Variants in SAMMSON observed in about 807,000 individuals in gnomAD.
SAMMSON encodes the protein long intergenic non-protein coding RNA 1212.
At chr3:70,066,481 G>A (rs1161208889) in intron 3 of SAMMSON, among the ~76,000 whole-genome samples, 1 of 152,046 alleles carries the variant, frequency 6.6e-6, no homozygotes, top group African/African-American at 2.4e-5. Flanking sequence ...CACTTGTGTA[G>A]TGTAAAGGGA....
intron 2 of SAMMSON, among the ~76,000 whole-genome samples, chr3:70,396,213 A>C (rs1701092206): frequency 6.6e-6 from 1 of 152,318 alleles, no homozygotes; most frequent in African/African-American, 2.4e-5. Flanking sequence ...GCTGAATTAT[A>C]GTTTGTTAGA....
At chr3:70,291,101 T>A (rs1327781751) in intron 6 of SAMMSON, 4 of 152,242 alleles carry the variant, frequency 2.6e-5, no homozygotes, top group African/African-American at 9.6e-5. Context: ...CTTATTTTTT[T>A]ATGAAGGAAA....
chr3:70,107,960 T>C (rs2067373903), intron 4 of SAMMSON, among the ~76,000 whole-genome samples: 2 of 152,164 alleles, frequency 1.3e-5, no homozygotes, highest in African/African-American at 4.8e-5. Flanking sequence ...TTTCACTCTA[T>C]GGTATATAAT....
At chr3:70,214,852 G>A (rs550477247) in intron 4 of SAMMSON, among the ~76,000 whole-genome samples, 3 of 152,048 alleles carry the variant, frequency 2.0e-5, no homozygotes, top group South Asian at 4.2e-4. Flanking sequence ...TTTGTAAAAA[G>A]TGTCTCAAGA....
intron 4 of SAMMSON, among the ~76,000 whole-genome samples, chr3:70,212,635 A>T (rs189832301): frequency 6.6e-6 from 1 of 152,112 alleles, no homozygotes; most frequent in African/African-American, 2.4e-5. Context: ...ATACAGTGAC[A>T]ACTCTCTTCA....
intron 4 of SAMMSON, among the ~76,000 whole-genome samples, chr3:70,101,760 G>A (rs2067347385): frequency 6.6e-6 from 1 of 152,072 alleles, no homozygotes; most frequent in Admixed American, 6.6e-5. Context: ...TTCCTCATTT[G>A]ACTCGTAAGG....
At chr3:70,319,449 C>A (rs1179217695) in intron 7 of SAMMSON, among the ~76,000 whole-genome samples, 1 of 151,998 alleles carries the variant, frequency 6.6e-6, no homozygotes, top group East Asian at 1.9e-4. Flanking sequence ...CCAGTGTATT[C>A]TATCATGACC....
intron 3 of SAMMSON, among the ~76,000 whole-genome samples, chr3:70,066,117 T>A (rs1323319893): frequency 6.6e-6 from 1 of 152,108 alleles, no homozygotes; most frequent in Non-Finnish European, 1.5e-5. Flanking sequence ...AAATGGTGCC[T>A]CGGGTTGCCA....
At chr3:70,278,174 C>T (rs1702046311) in intron 6 of SAMMSON, among the ~76,000 whole-genome samples, 1 of 152,104 alleles carries the variant, frequency 6.6e-6, no homozygotes, top group Non-Finnish European at 1.5e-5. Flanking sequence ...TATAAATGGG[C>T]TCATAGTGTA....
intron 7 of SAMMSON, among the ~76,000 whole-genome samples, chr3:70,317,335 T>C (rs1575624480): frequency 6.6e-6 from 1 of 152,072 alleles, no homozygotes; most frequent in Non-Finnish European, 1.5e-5. Context: ...CTGGCATCAT[T>C]TTTTTCCAAC....
intron 3 of SAMMSON, among the ~76,000 whole-genome samples, chr3:70,024,305 T>C (rs925736435): frequency 6.6e-6 from 1 of 152,230 alleles, no homozygotes; most frequent in Non-Finnish European, 1.5e-5. Context: ...TGATTTATCT[T>C]CTCTGTTTTT....
chr3:70,030,621 C>A (rs375225037), intron 3 of SAMMSON: 30 of 152,180 alleles, frequency 2.0e-4, no homozygotes, highest in East Asian at 1.4e-3. Flanking sequence ...TAAATGAACT[C>A]CATAGGTCTG....
intron 4 of SAMMSON, among the ~76,000 whole-genome samples, chr3:70,114,418 A>G (rs534698841): frequency 2.0e-5 from 3 of 152,346 alleles, no homozygotes; most frequent in South Asian, 2.1e-4. Flanking sequence ...TAAAATATAA[A>G]TCAACATTGA....
At chr3:70,001,453 GT>G (rs200222434) in intron 1 of SAMMSON, among the ~76,000 whole-genome samples, 464 of 128,700 alleles carry the variant, frequency 3.6e-3, no homozygotes, top group Admixed American at 4.6e-3. Context: ...TGTTTCTAGT[GT>G]TTTTTTTTTT....
At chr3:70,332,638 C>G (rs760720020) in intron 7 of SAMMSON, 9 of 152,362 alleles carry the variant, frequency 5.9e-5, no homozygotes, top group Non-Finnish European at 1.0e-4. Flanking sequence ...CTCTGACCCC[C>G]AGGCTGGAGT....
intron 3 of SAMMSON, among the ~76,000 whole-genome samples, chr3:70,022,865 A>G (rs1481939242): frequency 6.6e-6 from 1 of 152,216 alleles, no homozygotes; most frequent in African/African-American, 2.4e-5. Context: ...TGCCATGTAA[A>G]AATTGTTTTT....
chr3:70,015,613 G>A (rs1019839693), intron 3 of SAMMSON, among the ~76,000 whole-genome samples: 1 of 152,038 alleles, frequency 6.6e-6, no homozygotes, highest in East Asian at 1.9e-4. Context: ...TGTGCACAAT[G>A]TGCAGGTTTG....
At chr3:70,176,448 A>G (rs1174313496) in intron 4 of SAMMSON, among the ~76,000 whole-genome samples, 1 of 152,172 alleles carries the variant, frequency 6.6e-6, no homozygotes, top group Admixed American at 6.6e-5. Context: ...TCAACTTTTC[A>G]TCAATGTCTT....
intron 7 of SAMMSON, among the ~76,000 whole-genome samples, chr3:70,313,408 G>T (rs189657568): frequency 9.9e-5 from 15 of 151,774 alleles, no homozygotes; most frequent in Non-Finnish European, 1.9e-4. Context: ...AGCCTAGGAG[G>T]TCGGGGCAGC....
Sources: allele counts gnomAD v4.1 joint callset (sites outside exome capture counted in the v4.1 genomes callset), GRCh38; gene constraint gnomAD v4.1.1; transcripts MANE v1.5; gene names NCBI Gene and HGNC (gene_info 2026-07-23, HGNC 2026-07-21).